The following BIN3 variants were observed in gnomAD, a reference collection of about 807,000 sequenced individuals.
BIN3 encodes the protein bridging integrator 3.
A neutral mutation model predicts 38.2 loss-of-function variants in BIN3; 41 were observed. That is an observed-to-expected ratio of 1.07 (90% CI 0.84 to 1.39). The LOEUF (loss-of-function observed/expected upper bound fraction) is 1.39. BIN3 is among the 40% of genes most tolerant of loss of function. The pLI is 0.00. For missense variants in BIN3, 361 were observed against 324.3 expected, an observed-to-expected ratio of 1.11 and a Z score of -0.87; for synonymous variants, 145 against 122.6, an observed-to-expected ratio of 1.18 and a Z score of -1.21.
intron 1 of BIN3, among the ~76,000 whole-genome samples, chr8:22,653,419 C>A (rs187546637): frequency 2.0e-5 from 3 of 152,202 alleles, no homozygotes; most frequent in African/African-American, 7.2e-5. Flanking sequence ...TAAGCACTCA[C>A]CTTATCATTT....
Position 22,636,445 on chromosome 8 carries a change from C to T in BIN3, c.160+80G>A, listed in dbSNP as rs977602913. On this transcript the variant is annotated intron_variant, in intron 4 of 8. Transcript: ENST00000276416. ...TCCTCTGAGCGCAGCAACTTCAGAG[C>T]CCTTGGGGGGCTGAGAGAGGAGGGT... The T allele has an allele frequency of 2.1e-6, 3 of 1,443,460 alleles. No individual in the cohort carries two copies. In the African/African-American group the frequency reaches 4.2e-5, roughly 20 times the overall value. The allele number at this position is 1,443,460 out of a possible 1,614,324, so 89.4% of individuals were successfully genotyped here.
rs117611885 is a variant in BIN3 at position 22,653,832 on chromosome 8, G to C, written c.9-9029C>G. 2.4e-3 allele frequency among the ~76,000 whole-genome samples: 351 copies of C among 147,480 alleles called. 7 individuals carry two copies. The East Asian group carries it at 0.068, about 28-fold the overall frequency. On this transcript the variant is annotated intron_variant, in intron 1 of 8. Transcript: ENST00000276416. ...GTTGGGACCCTGAGGCTGAAGCTTTGTAAGTTTCACACCTTAAATCCACCT... is the reference window on the plus strand; with the variant it reads ...GTTGGGACCCTGAGGCTGAAGCTTTCTAAGTTTCACACCTTAAATCCACCT...
At chr8:22,663,869 A>G (rs1368350954) in intron 1 of BIN3, among the ~76,000 whole-genome samples, 2 of 152,160 alleles carry the variant, frequency 1.3e-5, no homozygotes, top group Non-Finnish European at 2.9e-5. Context: ...TTAAAATTAC[A>G]TCTGCTTCAA....
rs556721847 is a variant in BIN3, at chr8:22,658,367, T to C, written c.8+10677A>G. 1.1e-4 allele frequency among the ~76,000 whole-genome samples: 16 copies of C among 152,320 alleles called. No individual in the cohort carries two copies. In the Middle Eastern group the frequency reaches 0.014, roughly 130 times the overall value. On this transcript the variant is annotated intron_variant, in intron 1 of 8. Coordinates refer to ENST00000276416, the MANE Select transcript of BIN3 (RefSeq NM_018688.6). The stretch of plus-strand genomic sequence containing the variant: ...AAGTCAACAGGATGTTCTCCAAAGC[T>C]ACAAATATACTTTTTCAAACAGTAA...
At chr8:22,660,452 T>C (rs1482943138) in intron 1 of BIN3, among the ~76,000 whole-genome samples, 2 of 152,222 alleles carry the variant, frequency 1.3e-5, no homozygotes, top group East Asian at 3.8e-4. Flanking sequence ...TCACCTTTGC[T>C]CCTGTCTCTT....
chr8:22,647,580 A>G (rs7459660), intron 1 of BIN3, among the ~76,000 whole-genome samples: 43,015 of 152,118 alleles, frequency 0.28, 7,086 homozygotes, highest in East Asian at 0.6. Context: ...AAAGTCCTAC[A>G]GAATTCCAAG....
chr8:22,644,895 G>A (rs1802667392), intron 1 of BIN3, 92 bp from the exon 2 acceptor site: 10 of 1,173,874 alleles, frequency 8.5e-6, no homozygotes, highest in Non-Finnish European at 1.2e-5. Context: ...TTTCCCCCAG[G>A]AGGGCGAGGA....
At chr8:22,624,163 C>A (rs981141274) in intron 7 of BIN3, 59 bp downstream of exon 7, 21 of 1,593,204 alleles carry the variant, frequency 1.3e-5, no homozygotes, top group Middle Eastern at 1.7e-4. Flanking sequence ...GAGGGACTTA[C>A]CACAGGTGAC....
At chr8:22,660,272 G>T (rs1803191360) in intron 1 of BIN3, among the ~76,000 whole-genome samples, 1 of 152,254 alleles carries the variant, frequency 6.6e-6, no homozygotes, top group Non-Finnish European at 1.5e-5. Context: ...AGTCTGTAAG[G>T]TAAGAAGGGG....
At chr8:22,652,679 T>C (rs759540669) in intron 1 of BIN3, among the ~76,000 whole-genome samples, 6 of 152,108 alleles carry the variant, frequency 3.9e-5, no homozygotes, top group Non-Finnish European at 7.4e-5. Flanking sequence ...TTCAAGAAAA[T>C]TACAAATATA....
At chr8:22,668,990 G>C (rs1803518133) in intron 1 of BIN3, 54 bp downstream of exon 1, 14 of 1,556,078 alleles carry the variant, frequency 9.0e-6, no homozygotes, top group Non-Finnish European at 1.0e-5. Flanking sequence ...CACAGGGCCA[G>C]GGGCCTCGCG....
chr8:22,644,862 A>G (rs910458479), intron 1 of BIN3, 59 bp from the exon 2 acceptor site: 2 of 1,493,566 alleles, frequency 1.3e-6, no homozygotes, highest in Non-Finnish European at 1.8e-6. Context: ...TGCAGCTCAA[A>G]GTATCAGTAC....
intron 6 of BIN3, chr8:22,625,231 A>C (rs532838891): frequency 1.5e-6 from 1 of 687,950 alleles, no homozygotes; most frequent in East Asian, 2.7e-5. Context: ...AGTGACCAGG[A>C]GCAGTGCTCT....
intron 8 of BIN3, among the ~76,000 whole-genome samples, chr8:22,623,201 G>A (rs1801892742): frequency 1.3e-5 from 2 of 152,244 alleles, no homozygotes; most frequent in African/African-American, 4.8e-5. Flanking sequence ...CCCGCTTCTG[G>A]CATGGGTGCC....
intron 1 of BIN3, among the ~76,000 whole-genome samples, chr8:22,661,938 GCAC>G (rs55663009): frequency 0.72 from 108,259 of 151,384 alleles, 39,684 homozygotes; most frequent in African/African-American, 0.88. Context: ...TTACAGGTAT[GCAC>G]CACCACCATG....
chr8:22,665,249 T>C (rs1049367193), intron 1 of BIN3, among the ~76,000 whole-genome samples: 1 of 152,236 alleles, frequency 6.6e-6, no homozygotes, highest in African/African-American at 2.4e-5. Context: ...AGGCTCTTCA[T>C]TTTAGGAAGT....
intron 8 of BIN3, 148 bp downstream of exon 8, chr8:22,623,767 G>T: frequency 1.9e-6 from 2 of 1,056,688 alleles, no homozygotes; most frequent in Non-Finnish European, 2.7e-6. Context: ...TGGGACTCTG[G>T]TAATGGAATG....
At chr8:22,654,046 C>G (rs563146171) in intron 1 of BIN3, among the ~76,000 whole-genome samples, 6 of 152,318 alleles carry the variant, frequency 3.9e-5, no homozygotes, top group African/African-American at 1.4e-4. Flanking sequence ...CACCTAACTT[C>G]TAGAGGTACT....
chr8:22,661,198 T>C (rs554539186), intron 1 of BIN3, among the ~76,000 whole-genome samples: 1 of 152,216 alleles, frequency 6.6e-6, no homozygotes, highest in East Asian at 1.9e-4. Flanking sequence ...GAGATTCCAT[T>C]TCCTTCTCTC....
Sources: gnomAD v4.1 joint callset for allele counts (sites outside exome capture counted in the v4.1 genomes callset) on GRCh38, gnomAD v4.1.1 for gene constraint, MANE v1.5 for transcripts, NCBI Gene and HGNC (gene_info 2026-07-23, HGNC 2026-07-21) for gene names.